The following RAF1 variants were observed in gnomAD, a reference collection of about 807,000 sequenced individuals.
RAF1 encodes the protein RAF proto-oncogene serine/threonine-protein kinase.
A neutral mutation model predicts 81.1 loss-of-function variants in RAF1; 27 were observed. The observed-to-expected ratio is 0.33, with a 90% CI of 0.25 to 0.46. The LOEUF (loss-of-function observed/expected upper bound fraction) is 0.46, where lower values mean the gene tolerates loss of function less well. Ranked by LOEUF, RAF1 falls within the 20% of genes least tolerant of loss-of-function variation. The probability of loss-of-function intolerance (pLI) is 1.00; values close to 1 mark genes in which losing one functional copy is unlikely to be tolerated. For synonymous variants in RAF1, 298 were observed against 294.0 expected (o/e 1.01, Z -0.14); for missense variants, 598 against 826.0 (o/e 0.72, Z 3.38).
chr3:12,650,130 T>C (rs1318332058), intron 1 of RAF1, among the ~76,000 whole-genome samples: 1 of 118,806 alleles, frequency 8.4e-6, no homozygotes, highest in African/African-American at 3.2e-5. Context: ...CGGGAGACAG[T>C]GCGAGACTCC....
At chr3:12,643,495 C>CT (rs1379377427) in intron 1 of RAF1, among the ~76,000 whole-genome samples, 1 of 152,138 alleles carries the variant, frequency 6.6e-6, no homozygotes, top group Non-Finnish European at 1.5e-5. Flanking sequence ...AATCCCAGCA[C>CT]TTTGAGAGGC....
chr3:12,620,741 G>A (rs1410026298), intron 1 of RAF1, among the ~76,000 whole-genome samples: 1 of 152,124 alleles, frequency 6.6e-6, no homozygotes. Flanking sequence ...GCCTCCCAAA[G>A]TACTGGGATT....
chr3:12,592,184 C>T (rs778733400), intron 11 of RAF1: 3 of 341,486 alleles, frequency 8.8e-6, no homozygotes, highest in South Asian at 2.4e-5. Flanking sequence ...GAGGTGAGGT[C>T]ATGTGTGACA....
At chr3:12,650,515 G>A (rs5746162) in intron 1 of RAF1, among the ~76,000 whole-genome samples, 5,118 of 151,962 alleles carry the variant, frequency 0.034, 302 homozygotes, top group African/African-American at 0.12. Context: ...CATGAATACC[G>A]AATCACTATC....
chr3:12,628,756 G>GC (rs999514999), intron 1 of RAF1, among the ~76,000 whole-genome samples: 10 of 138,994 alleles, frequency 7.2e-5, no homozygotes, highest in Non-Finnish European at 1.1e-4. Flanking sequence ...ATTTTTGGGG[G>GC]GGGGGGGTGG....
chr3:12,630,906 C>T (rs916870649), intron 1 of RAF1, among the ~76,000 whole-genome samples: 1 of 152,160 alleles, frequency 6.6e-6, no homozygotes, highest in Non-Finnish European at 1.5e-5. Flanking sequence ...TGGGTTCAAG[C>T]GATTCTCCCA....
intron 6 of RAF1, among the ~76,000 whole-genome samples, chr3:12,604,546 CT>C (rs1004443917): frequency 4.6e-5 from 7 of 152,104 alleles, no homozygotes; most frequent in Non-Finnish European, 8.8e-5. Context: ...TATAAGTTTT[CT>C]TTTTTTAAAT....
At position 12,604,200 on chromosome 3, in the gene RAF1, G is replaced by C. The variant is rs80338796; in HGVS notation, c.770C>G (p.Ser257Trp). 1.9e-6 allele frequency: 3 copies of C among 1,614,050 alleles called. No individual in the cohort carries two copies. Among genetic ancestry groups the C allele is most frequent in the African/African-American group, 2.7e-5 (2 of 74,908 alleles). Residue 257 changes from serine (S) to tryptophan (W), a missense_variant, in exon 7 of 18, where the codon TCG becomes TGG. Physicochemically the swap from Ser to Trp is radical, Grantham distance 177. This residue lies in a region of RAF1 where 194 missense variants were observed against 202.7 expected (regional missense o/e 0.96). Coordinates refer to ENST00000442415, the MANE Select transcript of RAF1 (RefSeq NM_001354689.3). ...CATGTGGACATTAGGTGTGGATGTCGACCTCTGCCTCTGGGAGAGGGAACC... is the reference window on the plus strand; with the variant it reads ...CATGTGGACATTAGGTGTGGATGTCCACCTCTGCCTCTGGGAGAGGGAACC...
rs146709846 is a variant in RAF1 at position 12,609,299 on chromosome 3, C to A, written c.357G>T (p.Ala119=). ...CTTGAAGTTCTTCTCCAATCAAAGA[C>A]GCAGCATCAGTATTCCAATCTAAGC... is the stretch of plus-strand genomic sequence containing the variant. Residue 119 remains alanine (A), a synonymous_variant, in exon 4 of 18, where the codon GCG becomes GCT. Coordinates refer to ENST00000442415, the MANE Select transcript of RAF1 (RefSeq NM_001354689.3). The A allele has an allele frequency of 1.2e-6, 2 of 1,613,400 alleles. No individual in the cohort carries two copies. Among genetic ancestry groups the A allele is most frequent in the African/African-American group, 2.7e-5 (2 of 74,820 alleles).
chr3:12,587,837 CTTTTT>C (rs374515740), intron 13 of RAF1, 200 bp from the exon 13 acceptor site: 112 of 194,554 alleles, frequency 5.8e-4, no homozygotes, highest in Non-Finnish European at 6.3e-4. Flanking sequence ...ATGCTTACAC[CTTTTT>C]TTTTTTTTTT....
At chr3:12,586,401 GGAAAAAAAAATTAAAAAA>G (rs1259838431) in intron 14 of RAF1, among the ~76,000 whole-genome samples, 1 of 151,636 alleles carries the variant, frequency 6.6e-6, no homozygotes, top group African/African-American at 2.4e-5. Context: ...AAACTTGTGA[GGAAAAAAAAATTAAAAAA>G]GAACAAAAAA....
intron 1 of RAF1, among the ~76,000 whole-genome samples, chr3:12,658,828 G>A (rs1316450364): frequency 1.3e-5 from 2 of 152,140 alleles, no homozygotes; most frequent in Non-Finnish European, 1.5e-5. Flanking sequence ...ATTGGAATGT[G>A]ATGCCAATTA....
Position 12,663,587 on chromosome 3 carries a change from G to A in RAF1, c.-27+226C>T, listed in dbSNP as rs1157720487. On this transcript the variant is annotated intron_variant, in intron 1 of 17. Transcript: ENST00000442415. ...GTTGGCACGTTTCCGCCAAACACAA[G>A]GAAATTTGAGTGGGATGTGGGAACT... Among the ~76,000 whole-genome samples, 5 of 152,370 alleles carry A rather than the reference G, an allele frequency of 3.3e-5. No individual in the cohort carries two copies. In the East Asian group the frequency reaches 9.6e-4, roughly 29 times the overall value.
Position 12,603,779 on chromosome 3 carries a change from T to G in RAF1, c.835-242A>C, listed in dbSNP as rs1271627824. 2.6e-5 allele frequency among the ~76,000 whole-genome samples: 4 copies of G among 152,216 alleles called. No homozygotes were observed. The East Asian group carries it at 7.7e-4, about 29-fold the overall frequency. The stretch of plus-strand genomic sequence containing the variant: ...ATTTCTAAATAAAATCACAAAAGTC[T>G]TCCAGAGAATCTGTAGTTCTCCATC... On this transcript the variant is annotated intron_variant, in intron 7 of 17. Transcript: ENST00000442415.
intron 2 of RAF1, among the ~76,000 whole-genome samples, chr3:12,613,953 C>T (rs926362674): frequency 6.6e-6 from 1 of 152,132 alleles, no homozygotes; most frequent in African/African-American, 2.4e-5. Flanking sequence ...CCAGGAGGAT[C>T]AATCATCTGG....
intron 1 of RAF1, among the ~76,000 whole-genome samples, chr3:12,641,498 T>G (rs1422262344): frequency 3.6e-4 from 55 of 150,840 alleles, no homozygotes; most frequent in Non-Finnish European, 7.0e-4. Flanking sequence ...TGGTTTTTTT[T>G]TTTTTTTTTT....
intron 1 of RAF1, among the ~76,000 whole-genome samples, chr3:12,632,112 G>A (rs1477467932): frequency 6.8e-6 from 1 of 146,826 alleles, no homozygotes; most frequent in Admixed American, 7.2e-5. Context: ...GGGATCATGA[G>A]GTCAGTAGTT....
intron 1 of RAF1, among the ~76,000 whole-genome samples, chr3:12,642,574 T>A (rs1002092289): frequency 6.6e-6 from 1 of 150,752 alleles, no homozygotes; most frequent in Non-Finnish European, 1.5e-5. Context: ...CCCATTTCAG[T>A]AAAAGGATGA....
intron 1 of RAF1, among the ~76,000 whole-genome samples, chr3:12,642,438 G>C (rs944804379): frequency 6.6e-6 from 1 of 151,400 alleles, no homozygotes; most frequent in African/African-American, 2.4e-5. Flanking sequence ...AGTGAACCCA[G>C]GAGGCAGAGC....
Sources: allele counts gnomAD v4.1 joint callset (sites outside exome capture counted in the v4.1 genomes callset), GRCh38; gene constraint gnomAD v4.1.1; regional missense constraint gnomAD v4.1.1; transcripts MANE v1.5; gene names NCBI Gene and HGNC (gene_info 2026-07-23, HGNC 2026-07-21).